Variants in IGF1R observed in about 807,000 individuals in gnomAD.
IGF1R encodes insulin like growth factor 1 receptor, also known as insulin-like growth factor 1 receptor.
In IGF1R, 44 loss-of-function variants were observed where a neutral mutation model predicts 144.6. The observed-to-expected ratio is 0.30, with a 90% CI of 0.24 to 0.39. IGF1R has a LOEUF of 0.39. Ranked by LOEUF, IGF1R falls within the 10% of genes least tolerant of loss-of-function variation. The pLI is 1.00. For synonymous variants in IGF1R, 795 were observed against 722.8 expected, an observed-to-expected ratio of 1.10 and a Z score of -1.60; for missense variants, 1,355 against 1,833.7, an observed-to-expected ratio of 0.74 and a Z score of 4.77.
chr15:98,767,367 AGGTT>A (rs1323117308), intron 2 of IGF1R, among the ~76,000 whole-genome samples: 1 of 152,160 alleles, frequency 6.6e-6, no homozygotes, highest in East Asian at 1.9e-4. Context: ...CCCTTCTGTC[AGGTT>A]GCTCCTGCTA....
At chr15:98,864,510 C>T (rs1000564182) in intron 2 of IGF1R, among the ~76,000 whole-genome samples, 5 of 152,214 alleles carry the variant, frequency 3.3e-5, no homozygotes, top group Admixed American at 6.5e-5. Flanking sequence ...CCACCTCAGC[C>T]TCCTGAGTAA....
chr15:98,925,403 G>A (rs969039012), intron 13 of IGF1R, among the ~76,000 whole-genome samples: 24 of 152,174 alleles, frequency 1.6e-4, no homozygotes, highest in Non-Finnish European at 1.5e-5. Flanking sequence ...TTAGTATTTT[G>A]GTGAAATTAG....
chr15:98,733,321 A>G (rs2054537555), intron 2 of IGF1R, among the ~76,000 whole-genome samples: 1 of 152,004 alleles, frequency 6.6e-6, no homozygotes, highest in Non-Finnish European at 1.5e-5. Flanking sequence ...TCTGGGCTCA[A>G]GTGATCCTTC....
At position 98,648,919 on chromosome 15, in the gene IGF1R, G is replaced by C. The variant is rs1017925740; in HGVS notation, c.-663G>C. On this transcript the variant is annotated 5_prime_UTR_variant, in exon 1 of 21. Coordinates refer to ENST00000650285, the MANE Select transcript of IGF1R (RefSeq NM_000875.5). ...GGCGCAGAGCCGGGCGGCGCGGCGG[G>C]AGTGCTGAGCGCGGCGCGGCCGGCC... 5.9e-6 allele frequency: 1 copy of C among 169,092 alleles called. No individual in the cohort carries two copies. The highest frequency in any genetic ancestry group is 1.8e-4 in the South Asian group (1 of 5,508). 10.5% of individuals were successfully genotyped at this position (169,092 alleles called of 1,614,324 possible).
chr15:98,875,940 G>A (rs1054883483), intron 2 of IGF1R, among the ~76,000 whole-genome samples: 8 of 152,088 alleles, frequency 5.3e-5, no homozygotes, highest in South Asian at 2.1e-4. Context: ...AATTTTCCAC[G>A]CTACTTTTTA....
chr15:98,812,818 T>C lies in IGF1R; in HGVS notation c.641-78507T>C, dbSNP rs529988169. On this transcript the variant is annotated intron_variant, in intron 2 of 20. Coordinates refer to ENST00000650285, the MANE Select transcript of IGF1R (RefSeq NM_000875.5). ...CTGTCAGGGTCCCTGCTTGGGGCAT[T>C]GTCCTTGGGCTTGTCATTAGATAAC... is the stretch of plus-strand genomic sequence containing the variant. Among the ~76,000 whole-genome samples the C allele has an allele frequency of 3.9e-5, 6 of 152,102 alleles. No individual in the cohort carries two copies. The South Asian group carries it at 1.2e-3, about 31-fold the overall frequency.
chr15:98,754,797 A>T (rs1055779595), intron 2 of IGF1R, among the ~76,000 whole-genome samples: 27 of 152,200 alleles, frequency 1.8e-4, no homozygotes, highest in African/African-American at 6.0e-4. Context: ...AATTATCCCC[A>T]TTTTACAGAT....
chr15:98,768,763 CAAAAA>C (rs72476452), intron 2 of IGF1R, among the ~76,000 whole-genome samples: 2 of 86,260 alleles, frequency 2.3e-5, no homozygotes, highest in South Asian at 4.9e-4. Context: ...ACTAAAAATA[CAAAAA>C]AAAAAAAAAA....
At chr15:98,748,860 C>T (rs2054934687) in intron 2 of IGF1R, among the ~76,000 whole-genome samples, 1 of 152,184 alleles carries the variant, frequency 6.6e-6, no homozygotes, top group African/African-American at 2.4e-5. Context: ...TCAGTAGCTA[C>T]AGTGGTTATT....
At chr15:98,656,129 T>C (rs1160613298) in intron 1 of IGF1R, among the ~76,000 whole-genome samples, 1 of 152,232 alleles carries the variant, frequency 6.6e-6, no homozygotes, top group Non-Finnish European at 1.5e-5. Flanking sequence ...GGAGCTCACT[T>C]GGTGGTTGGT....
chr15:98,737,136 T>C (rs1359283583), intron 2 of IGF1R, among the ~76,000 whole-genome samples: 1 of 152,190 alleles, frequency 6.6e-6, no homozygotes, highest in African/African-American at 2.4e-5. Context: ...GAATGGCTTT[T>C]TGTGTGTGCA....
At chr15:98,690,932 A>T (rs755134807) in intron 1 of IGF1R, among the ~76,000 whole-genome samples, 1 of 152,252 alleles carries the variant, frequency 6.6e-6, no homozygotes. Flanking sequence ...TGCGGCTTAC[A>T]TGCTCATGCA....
intron 19 of IGF1R, among the ~76,000 whole-genome samples, chr15:98,944,156 C>A (rs2016467017): frequency 6.6e-6 from 1 of 152,156 alleles, no homozygotes; most frequent in African/African-American, 2.4e-5. Context: ...AGGCTTCGTG[C>A]CTCCAGGAGC....
At chr15:98,823,277 C>T (rs1295516992) in intron 2 of IGF1R, among the ~76,000 whole-genome samples, 1 of 152,198 alleles carries the variant, frequency 6.6e-6, no homozygotes, top group Non-Finnish European at 1.5e-5. Flanking sequence ...AGCCGAAATG[C>T]AAACAAAGTT....
At chr15:98,670,812 T>A (rs1426015912) in intron 1 of IGF1R, among the ~76,000 whole-genome samples, 6 of 152,242 alleles carry the variant, frequency 3.9e-5, no homozygotes, top group Non-Finnish European at 8.8e-5. Flanking sequence ...CTATTTTTTT[T>A]CTTTGCTTTT....
At chr15:98,734,189 A>G (rs1187437096) in intron 2 of IGF1R, among the ~76,000 whole-genome samples, 2 of 152,224 alleles carry the variant, frequency 1.3e-5, no homozygotes, top group African/African-American at 4.8e-5. Context: ...CTTAATGGGA[A>G]GATCGCTCAG....
chr15:98,737,650 G>A lies in IGF1R; in HGVS notation c.640+29543G>A, dbSNP rs114202979. 4.4e-3 allele frequency among the ~76,000 whole-genome samples: 676 copies of A among 152,174 alleles called. 10 individuals carry two copies. Among genetic ancestry groups the A allele is most frequent in the African/African-American group, 0.016 (645 of 41,510 alleles). ...GTTCTCATTTTTCTTCTCCCTCTTTGCCCCGTCCCCACAATATCTTAGGGC... is the reference window on the plus strand; with the variant it reads ...GTTCTCATTTTTCTTCTCCCTCTTTACCCCGTCCCCACAATATCTTAGGGC... On this transcript the variant is annotated intron_variant, in intron 2 of 20. Coordinates refer to ENST00000650285, the MANE Select transcript of IGF1R (RefSeq NM_000875.5).
At chr15:98,802,386 C>CA (rs1208951264) in intron 2 of IGF1R, among the ~76,000 whole-genome samples, 4 of 152,110 alleles carry the variant, frequency 2.6e-5, no homozygotes, top group Non-Finnish European at 5.9e-5. Flanking sequence ...TGAGCTGGAG[C>CA]AGGGTGTGGC....
At chr15:98,818,225 C>T (rs1003032998) in intron 2 of IGF1R, among the ~76,000 whole-genome samples, 4 of 151,884 alleles carry the variant, frequency 2.6e-5, no homozygotes, top group African/African-American at 7.3e-5. Flanking sequence ...GGGAGGTGGC[C>T]GGGGATGAGA....
Sources: allele counts gnomAD v4.1 joint callset (sites outside exome capture counted in the v4.1 genomes callset), GRCh38; gene constraint gnomAD v4.1.1; transcripts MANE v1.5; gene names NCBI Gene and HGNC (gene_info 2026-07-23, HGNC 2026-07-21).